The following SECISBP2 variants were observed in gnomAD, a reference collection of about 807,000 sequenced individuals.
SECISBP2 encodes the protein selenocysteine insertion sequence-binding protein 2.
SECISBP2 carries 96 observed loss-of-function variants against 98.2 expected under a neutral mutation model. That is an observed-to-expected ratio of 0.98 (90% CI 0.83 to 1.16). The LOEUF is 1.16. Among genes scored for constraint, SECISBP2 ranks in the 50% most tolerant of loss-of-function variants. SECISBP2 has a pLI of 0.00. For missense variants in SECISBP2, 1,046 were observed against 1,022.9 expected (o/e 1.02, Z -0.31); for synonymous variants, 407 against 370.2 (o/e 1.10, Z -1.14).
At chr9:89,328,153 AATAC>A (rs1376182748) in intron 4 of SECISBP2, among the ~76,000 whole-genome samples, 1 of 152,230 alleles carries the variant, frequency 6.6e-6, no homozygotes, top group African/African-American at 2.4e-5. Context: ...TAAAAAGTAT[AATAC>A]ATAAACAAGT....
downstream of SECISBP2, among the ~76,000 whole-genome samples, chr9:89,362,664 G>C (rs958290687): frequency 3.9e-5 from 6 of 152,234 alleles, no homozygotes; most frequent in African/African-American, 1.4e-4. Flanking sequence ...TGAGAGGCAG[G>C]AGGGCTGGAG....
chr9:89,336,081 CTTTTTTTTTT>C (rs59799418), intron 7 of SECISBP2, among the ~76,000 whole-genome samples: 1 of 33,062 alleles, frequency 3.0e-5, no homozygotes, highest in Non-Finnish European at 5.7e-5. Flanking sequence ...ATTTTAAGTG[CTTTTTTTTTT>C]TTTTTTTTTT....
chr9:89,343,547 A>G (rs751509484), intron 10 of SECISBP2, among the ~76,000 whole-genome samples: 9 of 152,082 alleles, frequency 5.9e-5, no homozygotes, highest in Non-Finnish European at 1.3e-4. Context: ...CCATGTGTCC[A>G]TGTGTTCTCA....
chr9:89,362,714 G>A (rs929107617), downstream of SECISBP2, among the ~76,000 whole-genome samples: 2 of 152,268 alleles, frequency 1.3e-5, no homozygotes, highest in Non-Finnish European at 2.9e-5. Flanking sequence ...AGGATCAGCT[G>A]TAAATGCCCA....
chr9:89,349,133 G>C (rs775377349), intron 12 of SECISBP2, among the ~76,000 whole-genome samples: 3 of 152,176 alleles, frequency 2.0e-5, no homozygotes, highest in Non-Finnish European at 4.4e-5. Context: ...CCAGCCCACG[G>C]GGCACTATGT....
At chr9:89,346,811 G>A (rs988598514) in intron 10 of SECISBP2, 71 bp from the exon 11 acceptor site, 72 of 1,593,498 alleles carry the variant, frequency 4.5e-5, no homozygotes, top group Middle Eastern at 2.0e-4. Flanking sequence ...GCCCCTGGGC[G>A]AGCTGCGATC....
intron 13 of SECISBP2, 61 bp from the exon 14 acceptor site, chr9:89,350,571 G>A: frequency 6.9e-7 from 1 of 1,441,746 alleles, no homozygotes; most frequent in Non-Finnish European, 9.8e-7. Flanking sequence ...GGGTGGGATG[G>A]GAGCAGTGCT....
At chr9:89,320,601 C>G (rs1042042410) in intron 2 of SECISBP2, among the ~76,000 whole-genome samples, 2 of 152,078 alleles carry the variant, frequency 1.3e-5, no homozygotes, top group African/African-American at 4.8e-5. Context: ...TTGCTTTCCA[C>G]CTTTTTACTT....
intron 7 of SECISBP2, among the ~76,000 whole-genome samples, chr9:89,336,359 C>T (rs1828714931): frequency 6.6e-6 from 1 of 151,846 alleles, no homozygotes; most frequent in East Asian, 1.9e-4. Context: ...TTTATTGATT[C>T]CTAGAACTGT....
chr9:89,318,757 C>G (rs926939972), intron 1 of SECISBP2, 145 bp downstream of exon 1: 1 of 1,228,158 alleles, frequency 8.1e-7, no homozygotes, highest in Non-Finnish European at 1.0e-6. Context: ...CGGGTGGCCG[C>G]GATCTTCGCG....
At chr9:89,350,435 A>G (rs1831109619) in intron 13 of SECISBP2, among the ~76,000 whole-genome samples, 197 bp from the exon 14 acceptor site, 1 of 152,232 alleles carries the variant, frequency 6.6e-6, no homozygotes, top group Admixed American at 6.5e-5. Flanking sequence ...GTAGTTGGGA[A>G]TGGGGGAAGA....
At chr9:89,355,523 CT>C in intron 14 of SECISBP2, 2 of 974,350 alleles carry the variant, frequency 2.1e-6, no homozygotes, top group Non-Finnish European at 2.4e-6. Context: ...TGATTTGTAC[CT>C]TTTTTATAAG....
chr9:89,332,508 A>G (rs1439152613), intron 5 of SECISBP2: 2 of 262,074 alleles, frequency 7.6e-6, no homozygotes, highest in Non-Finnish European at 7.4e-6. Flanking sequence ...GCTAACTACT[A>G]TCTTTTTATT....
rs61193030 is a variant in SECISBP2 at position 89,359,132 on chromosome 9, AG to A, written c.*310del. On this transcript the variant is annotated 3_prime_UTR_variant, in exon 17 of 17. Transcript: ENST00000375807. ...GATACTTAGAATACTTTGGCTGCTAAGGAAACTTCCTCTCCATTGCAGAATA... is the reference window on the plus strand; with the variant it reads ...GATACTTAGAATACTTTGGCTGCTAAGAAACTTCCTCTCCATTGCAGAATA... The A allele has an allele frequency of 0.033, 12,384 of 375,230 alleles. 725 individuals carry two copies. The highest frequency in any genetic ancestry group is 0.17 in the East Asian group (2,566 of 15,226). 23.2% of individuals were successfully genotyped at this position (375,230 alleles called of 1,614,324 possible).
At chr9:89,338,654 T>C (rs1829175241) in intron 8 of SECISBP2, 74 bp downstream of exon 8, 7 of 1,486,008 alleles carry the variant, frequency 4.7e-6, no homozygotes, top group African/African-American at 2.8e-5. Context: ...TGGGTTCATA[T>C]TGGTTTCCTA....
chr9:89,325,199 TCTTACGG>T (rs1826474757), intron 2 of SECISBP2: 7 of 543,544 alleles, frequency 1.3e-5, no homozygotes, highest in Non-Finnish European at 2.3e-5. Flanking sequence ...TGTTGATGTT[TCTTACGG>T]ACTTCCAGCT....
intron 2 of SECISBP2, 118 bp downstream of exon 2, chr9:89,319,915 C>A: frequency 9.1e-7 from 1 of 1,103,054 alleles, no homozygotes; most frequent in Non-Finnish European, 1.4e-6. Context: ...AGAGAATGCT[C>A]TTCAACCAAG....
intron 7 of SECISBP2, among the ~76,000 whole-genome samples, chr9:89,337,423 C>G (rs977059475): frequency 1.3e-5 from 2 of 152,198 alleles, no homozygotes; most frequent in African/African-American, 2.4e-5. Flanking sequence ...AAGGTCATCT[C>G]TCCCATACTT....
intron 8 of SECISBP2, 88 bp from the exon 9 acceptor site, chr9:89,339,776 C>A: frequency 1.1e-6 from 1 of 923,390 alleles, no homozygotes; most frequent in Non-Finnish European, 1.8e-6. Flanking sequence ...AGGGACCTTA[C>A]TGAAGAATGA....
Sources: gnomAD v4.1 joint callset for allele counts (sites outside exome capture counted in the v4.1 genomes callset) on GRCh38, gnomAD v4.1.1 for gene constraint, MANE v1.5 for transcripts, NCBI Gene and HGNC (gene_info 2026-07-23, HGNC 2026-07-21) for gene names.